The following KIF13B variants were observed in gnomAD, a reference collection of about 807,000 sequenced individuals.
The protein encoded by KIF13B is kinesin-like protein KIF13B.
In KIF13B, 127 loss-of-function variants were observed where a neutral mutation model predicts 222.0. That is an observed-to-expected ratio of 0.57 (90% confidence interval 0.50 to 0.66). KIF13B has a LOEUF of 0.66. KIF13B is among the 30% of genes least tolerant of loss of function. The pLI is 0.00. For missense variants in KIF13B, 2,173 were observed against 2,379.0 expected (o/e 0.91, Z 1.80); for synonymous variants, 976 against 919.0 (o/e 1.06, Z -1.12).
Position 29,132,514 on chromosome 8 carries a change from T to C in KIF13B, c.2785-49A>G, listed in dbSNP as rs149227349. Reference sequence around the variant, plus strand: ...GAAGAGCAAACTCTTTCTGGTAATCTTATGATTGTTTATACCAGACATCAC... The same window carrying C: ...GAAGAGCAAACTCTTTCTGGTAATCCTATGATTGTTTATACCAGACATCAC... On this transcript the variant is annotated intron_variant, in intron 22 of 39. Transcript: ENST00000524189. 8,188 of 1,198,016 alleles carry C rather than the reference T, an allele frequency of 6.8e-3. 48 individuals are homozygous for C. The highest frequency in any genetic ancestry group is 0.022 in the African/African-American group (1,410 of 64,006). The allele number at this position is 1,198,016 out of a possible 1,614,324, so 74.2% of individuals were successfully genotyped here.
intron 10 of KIF13B, among the ~76,000 whole-genome samples, chr8:29,169,684 G>C (rs535555954): frequency 6.6e-6 from 1 of 152,322 alleles, no homozygotes; most frequent in East Asian, 1.9e-4. Flanking sequence ...ATGACTGTTT[G>C]CTTTGCTCTT....
rs375817132 is a variant in KIF13B at position 29,186,278 on chromosome 8, T to C, written c.497+14A>G. On this transcript the variant is annotated intron_variant, in intron 6 of 39. Transcript: ENST00000524189. ...TTCACAATGCTGAAACACTAAAGTC[T>C]CAAAGTCCTTTACCCTTTGGGATCA... 5.6e-6 allele frequency: 9 copies of C among 1,593,742 alleles called. No homozygotes were observed. The African/African-American group carries it at 1.2e-4, about 22-fold the overall frequency.
At chr8:29,234,764 T>C (rs1291949640) in intron 2 of KIF13B, among the ~76,000 whole-genome samples, 10 of 149,696 alleles carry the variant, frequency 6.7e-5, no homozygotes, top group Non-Finnish European at 1.2e-4. Context: ...AAAGGACATC[T>C]TTTGTGACTG....
At chr8:29,216,697 T>C (rs952659002) in intron 2 of KIF13B, among the ~76,000 whole-genome samples, 1 of 152,196 alleles carries the variant, frequency 6.6e-6, no homozygotes, top group Non-Finnish European at 1.5e-5. Context: ...GAGAAGAAAT[T>C]AAAGACAACT....
intron 2 of KIF13B, among the ~76,000 whole-genome samples, chr8:29,224,933 T>C (rs1376019601): frequency 6.6e-6 from 1 of 152,184 alleles, no homozygotes; most frequent in Non-Finnish European, 1.5e-5. Context: ...GGGTAAGCCA[T>C]GAAGTGCAAT....
intron 2 of KIF13B, among the ~76,000 whole-genome samples, chr8:29,227,657 T>C (rs1040673917): frequency 4.6e-5 from 7 of 152,140 alleles, no homozygotes; most frequent in African/African-American, 1.2e-4. Flanking sequence ...GGTTGCGAAT[T>C]TCTGCTCCAG....
rs1810450828 is a variant in KIF13B, at chr8:29,133,903, T to C, written c.2784+137A>G. ...AGGAGTATAGATGCATTGACACTTT[T>C]TACTCAATCCCCACACTCTACAGAA... is the stretch of plus-strand genomic sequence containing the variant. On this transcript the variant is annotated intron_variant, in intron 22 of 39. Coordinates refer to ENST00000524189, the MANE Select transcript of KIF13B (RefSeq NM_015254.4). The C allele has an allele frequency of 4.9e-6, 4 of 810,504 alleles. No individual in the cohort carries two copies. The South Asian group carries it at 7.6e-5, about 15-fold the overall frequency. 50.2% of individuals were successfully genotyped at this position (810,504 alleles called of 1,614,324 possible).
intron 1 of KIF13B, among the ~76,000 whole-genome samples, chr8:29,261,612 G>C (rs1816681880): frequency 1.3e-5 from 2 of 152,164 alleles, no homozygotes; most frequent in Admixed American, 1.3e-4. Context: ...TTTAAAAACT[G>C]ATGCTTCTGA....
chr8:29,188,696 T>A lies in KIF13B; in HGVS notation c.224-89A>T, dbSNP rs1813050601. The A allele has an allele frequency of 5.2e-6, 4 of 762,906 alleles. No individual in the cohort carries two copies. The African/African-American group carries it at 7.1e-5, about 13-fold the overall frequency. 47.3% of individuals were successfully genotyped at this position (762,906 alleles called of 1,614,324 possible). A position where few individuals can be genotyped will look rare whatever the true frequency, so the allele number is the denominator to read the frequency against. On this transcript the variant is annotated intron_variant, in intron 4 of 39. Coordinates refer to ENST00000524189, the MANE Select transcript of KIF13B (RefSeq NM_015254.4). ...AACAAAAACAAAAATCTCAAAAATG[T>A]ATAATCTGCTTATTTATCTCCAAAC...
chr8:29,122,025 A>C (rs1047355576), intron 29 of KIF13B, among the ~76,000 whole-genome samples: 6 of 152,026 alleles, frequency 3.9e-5, no homozygotes, highest in Admixed American at 6.5e-5. Context: ...GAGGCCAAGG[A>C]GGGCGGATCA....
chr8:29,088,672 T>A (rs1393512522), intron 37 of KIF13B, among the ~76,000 whole-genome samples: 1 of 151,978 alleles, frequency 6.6e-6, no homozygotes, highest in Non-Finnish European at 1.5e-5. Flanking sequence ...ACTAAAGGAG[T>A]CTAGCCAATA....
chr8:29,245,429 C>G lies in KIF13B; in HGVS notation c.66G>C (p.Leu22Phe). ...IRPMNRRETD[L>F]HTKCVVDVDA... ...CCACATCCACCACACATTTGGTATGCAAGTCAGTCTCTGTGGATAAAAAAA... is the reference window on the plus strand; with the variant it reads ...CCACATCCACCACACATTTGGTATGGAAGTCAGTCTCTGTGGATAAAAAAA... The change falls in exon 2 of 40, where the codon TTG becomes TTC. Residue 22 changes from leucine (L) to phenylalanine (F), a missense_variant. Physicochemically the swap from Leu to Phe is conservative, Grantham distance 22. Around this residue, in one of 2 missense-constraint regions of KIF13B, gnomAD observed 1,480 missense variants for 1,722.8 expected, o/e 0.86. Transcript: ENST00000524189. 6.3e-7 allele frequency: 1 copy of G among 1,594,614 alleles called. No individual in the cohort carries two copies. The highest frequency in any genetic ancestry group is 8.6e-7 in the Non-Finnish European group (1 of 1,168,444).
At chr8:29,081,111 C>T (rs948651797) in intron 37 of KIF13B, among the ~76,000 whole-genome samples, 3 of 152,206 alleles carry the variant, frequency 2.0e-5, no homozygotes, top group Non-Finnish European at 4.4e-5. Flanking sequence ...CTCCTGCAAA[C>T]GCTCTACTGA....
chr8:29,156,858 A>G (rs1339502459), intron 13 of KIF13B, among the ~76,000 whole-genome samples: 1 of 151,800 alleles, frequency 6.6e-6, no homozygotes, highest in Non-Finnish European at 1.5e-5. Context: ...AGCCTACTTG[A>G]CACAACTTGG....
chr8:29,113,063 A>T (rs1374429067), intron 32 of KIF13B, among the ~76,000 whole-genome samples: 1 of 152,204 alleles, frequency 6.6e-6, no homozygotes, highest in Non-Finnish European at 1.5e-5. Context: ...CCATTTGACA[A>T]GAAAAAAAAA....
chr8:29,110,131 G>A (rs917229940), intron 32 of KIF13B, 61 bp from the exon 33 acceptor site: 194 of 1,335,428 alleles, frequency 1.5e-4, no homozygotes, highest in Non-Finnish European at 1.8e-4. Flanking sequence ...ACACGTACAC[G>A]CGTGCACACA....
At chr8:29,185,963 G>T (rs10441616) in intron 6 of KIF13B, among the ~76,000 whole-genome samples, 18,104 of 152,172 alleles carry the variant, frequency 0.12, 1,226 homozygotes, top group South Asian at 0.15. Context: ...ATGAAATCAT[G>T]GGCACTTGTT....
intron 2 of KIF13B, among the ~76,000 whole-genome samples, chr8:29,239,324 G>C (rs532247808): frequency 6.6e-6 from 1 of 152,324 alleles, no homozygotes; most frequent in Admixed American, 6.5e-5. Context: ...AAAAGAGCTG[G>C]AAGTATACTA....
chr8:29,127,177 A>G lies in KIF13B; in HGVS notation c.3167T>C (p.Ile1056Thr), dbSNP rs780623353. The change falls in exon 25 of 40, where the codon ATT becomes ACT. Residue 1056 changes from isoleucine (I) to threonine (T), a missense_variant. Around this residue, in one of 2 missense-constraint regions of KIF13B, gnomAD observed 1,480 missense variants for 1,722.8 expected, o/e 0.86. Coordinates refer to ENST00000524189, the MANE Select transcript of KIF13B (RefSeq NM_015254.4). ...GAGCGGTCTAACTTTGACACATCCAATGCCAACAGACAGTATACATTCTTC... is the reference window on the plus strand; with the variant it reads ...GAGCGGTCTAACTTTGACACATCCAGTGCCAACAGACAGTATACATTCTTC... ...LMEECILSVG[I>T]GCVKVRPLRA... The G allele has an allele frequency of 6.2e-7, 1 of 1,613,986 alleles. No individual in the cohort carries two copies. Among genetic ancestry groups the G allele is most frequent in the Non-Finnish European group, 8.5e-7 (1 of 1,179,878 alleles).
Sources: allele counts gnomAD v4.1 joint callset (sites outside exome capture counted in the v4.1 genomes callset), GRCh38; gene constraint gnomAD v4.1.1; regional missense constraint gnomAD v4.1.1; transcripts MANE v1.5; gene names NCBI Gene and HGNC (gene_info 2026-07-23, HGNC 2026-07-21).